Variants in HCN1 observed in about 807,000 individuals in gnomAD.
HCN1 encodes the protein hyperpolarization activated cyclic nucleotide gated potassium channel 1, also known as potassium/sodium hyperpolarization-activated cyclic nucleotide-gated channel 1.
HCN1 carries 13 observed loss-of-function variants against 78.9 expected under a neutral mutation model. The observed-to-expected ratio is 0.16, with a 90% CI of 0.11 to 0.26. The LOEUF (loss-of-function observed/expected upper bound fraction) is 0.26, where lower values mean the gene tolerates loss of function less well. Ranked by LOEUF, HCN1 falls within the 10% of genes least tolerant of loss-of-function variation. HCN1 has a pLI of 1.00. For missense variants in HCN1, 810 were observed against 1,154.3 expected (o/e 0.70, Z 4.32); for synonymous variants, 552 against 455.5 (o/e 1.21, Z -2.70).
At chr5:45,334,176 T>A (rs1157982880) in intron 5 of HCN1, among the ~76,000 whole-genome samples, 1 of 151,920 alleles carries the variant, frequency 6.6e-6, no homozygotes, top group Non-Finnish European at 1.5e-5. Context: ...TATAAAACTA[T>A]AACTTAAGCC....
At chr5:45,327,411 A>C (rs1417791859) in intron 5 of HCN1, among the ~76,000 whole-genome samples, 1 of 151,692 alleles carries the variant, frequency 6.6e-6, no homozygotes, top group Non-Finnish European at 1.5e-5. Flanking sequence ...ATCCACATAA[A>C]TTAATTTTCA....
At chr5:45,326,841 T>G (rs1746242802) in intron 5 of HCN1, among the ~76,000 whole-genome samples, 1 of 151,614 alleles carries the variant, frequency 6.6e-6, no homozygotes. Flanking sequence ...TAATTTTGTC[T>G]TAGCATAGTC....
chr5:45,430,596 T>A (rs71616288), intron 3 of HCN1, among the ~76,000 whole-genome samples: 1,725 of 152,216 alleles, frequency 0.011, 18 homozygotes, highest in Non-Finnish European at 0.018. Context: ...TTGGGCTCCA[T>A]GTTGCTGCAA....
rs1285528897 is a variant in HCN1 at position 45,311,858 on chromosome 5, G to T, written c.1378-8019C>A. ...CCTGGAGGGAATTTTCACCCTCAAA[G>T]TTCATCAACAGCTTTCTCAAATTTC... On this transcript the variant is annotated intron_variant, in intron 5 of 7. Coordinates refer to ENST00000303230, the MANE Select transcript of HCN1 (RefSeq NM_021072.4). Among the ~76,000 whole-genome samples, 3 of 152,182 alleles carry T rather than the reference G, an allele frequency of 2.0e-5. No individual in the cohort carries two copies. The East Asian group carries it at 5.8e-4, about 29-fold the overall frequency.
intron 2 of HCN1, among the ~76,000 whole-genome samples, chr5:45,542,471 T>G (rs936194287): frequency 6.6e-6 from 1 of 152,124 alleles, no homozygotes; most frequent in Non-Finnish European, 1.5e-5. Flanking sequence ...TAGCACTATT[T>G]TTAGCCAAGG....
At chr5:45,383,658 G>A (rs1747857278) in intron 4 of HCN1, among the ~76,000 whole-genome samples, 1 of 151,868 alleles carries the variant, frequency 6.6e-6, no homozygotes, top group African/African-American at 2.4e-5. Context: ...GACAGAGGTT[G>A]CAGTGAGCTG....
chr5:45,291,216 C>G (rs1047667825), intron 6 of HCN1, among the ~76,000 whole-genome samples: 2 of 152,030 alleles, frequency 1.3e-5, no homozygotes, highest in Non-Finnish European at 2.9e-5. Flanking sequence ...TAACTTTTCT[C>G]TCTCATATGG....
chr5:45,315,630 G>T (rs1038304201), intron 5 of HCN1, among the ~76,000 whole-genome samples: 2 of 151,994 alleles, frequency 1.3e-5, no homozygotes, highest in Admixed American at 1.3e-4. Context: ...CCAGGAGCTG[G>T]TTTTTGAAAA....
At chr5:45,302,368 C>T (rs1036210870) in intron 6 of HCN1, among the ~76,000 whole-genome samples, 8 of 152,002 alleles carry the variant, frequency 5.3e-5, no homozygotes, top group African/African-American at 1.9e-4. Context: ...TTTCCTGAGG[C>T]CTTCCCAGCT....
intron 2 of HCN1, among the ~76,000 whole-genome samples, chr5:45,582,150 T>A (rs1348979474): frequency 2.0e-5 from 3 of 152,208 alleles, no homozygotes; most frequent in African/African-American, 7.2e-5. Flanking sequence ...TTCCTACCCA[T>A]GAGCATGGAA....
chr5:45,688,424 G>A (rs1210483481), intron 1 of HCN1, among the ~76,000 whole-genome samples: 1 of 152,068 alleles, frequency 6.6e-6, no homozygotes, highest in Non-Finnish European at 1.5e-5. Flanking sequence ...TATTGGGCAG[G>A]GAAATGTAAT....
intron 6 of HCN1, among the ~76,000 whole-genome samples, chr5:45,293,469 C>G (rs539417885): frequency 1.3e-4 from 20 of 151,612 alleles, no homozygotes; most frequent in Non-Finnish European, 2.5e-4. Flanking sequence ...CAGAGCAAGA[C>G]ATGGTCTACA....
At chr5:45,310,977 C>T (rs980786978) in intron 5 of HCN1, among the ~76,000 whole-genome samples, 1 of 152,032 alleles carries the variant, frequency 6.6e-6, no homozygotes, top group African/African-American at 2.4e-5. Context: ...AACACATGGA[C>T]ATACAGAGAG....
intron 4 of HCN1, among the ~76,000 whole-genome samples, chr5:45,373,309 A>G (rs1389454544): frequency 6.8e-5 from 8 of 117,622 alleles, no homozygotes; most frequent in Non-Finnish European, 1.6e-5. Context: ...TTTATATACT[A>G]TATATAAAAT....
chr5:45,404,443 T>C (rs1365540161), intron 3 of HCN1, among the ~76,000 whole-genome samples: 1 of 152,048 alleles, frequency 6.6e-6, no homozygotes, highest in Admixed American at 6.6e-5. Context: ...ATTATGTTTT[T>C]GTTATTAAAA....
intron 3 of HCN1, among the ~76,000 whole-genome samples, chr5:45,420,368 G>A (rs1340637798): frequency 6.6e-6 from 1 of 152,098 alleles, no homozygotes; most frequent in Admixed American, 6.5e-5. Context: ...GAAGAATAGG[G>A]CAGCCAAGTG....
chr5:45,475,278 T>C (rs946731524), intron 2 of HCN1, among the ~76,000 whole-genome samples: 12 of 152,090 alleles, frequency 7.9e-5, no homozygotes, highest in Admixed American at 6.6e-5. Context: ...TCTAAATGCA[T>C]GCTATGCTAG....
At chr5:45,488,409 A>T (rs1299689542) in intron 2 of HCN1, among the ~76,000 whole-genome samples, 1 of 152,132 alleles carries the variant, frequency 6.6e-6, no homozygotes, top group Non-Finnish European at 1.5e-5. Context: ...ATTGAGGAAA[A>T]ACTGATGAAA....
At chr5:45,501,548 C>T (rs958799091) in intron 2 of HCN1, among the ~76,000 whole-genome samples, 9 of 152,094 alleles carry the variant, frequency 5.9e-5, no homozygotes, top group African/African-American at 2.2e-4. Flanking sequence ...TATTCTCCTA[C>T]CTCAGCCCCC....
Sources: allele counts gnomAD v4.1 joint callset (sites outside exome capture counted in the v4.1 genomes callset), GRCh38; gene constraint gnomAD v4.1.1; transcripts MANE v1.5; gene names NCBI Gene and HGNC (gene_info 2026-07-23, HGNC 2026-07-21).